Variants in LDB2 observed in about 807,000 individuals in gnomAD.
The protein encoded by LDB2 is LIM domain binding 2.
In LDB2, 12 loss-of-function variants were observed where a neutral mutation model predicts 44.3. The observed-to-expected ratio is 0.27, with a 90% CI of 0.17 to 0.44. The LOEUF (loss-of-function observed/expected upper bound fraction) is 0.44, where lower values mean the gene tolerates loss of function less well. LDB2 is among the 20% of genes least tolerant of loss of function. LDB2 has a pLI of 1.00. For synonymous variants in LDB2, 164 were observed against 174.8 expected (o/e 0.94, Z 0.49); for missense variants, 344 against 473.5 (o/e 0.73, Z 2.54).
chr4:16,822,111 TAA>T (rs34620323), intron 1 of LDB2, among the ~76,000 whole-genome samples: 70 of 147,008 alleles, frequency 4.8e-4, no homozygotes, highest in Middle Eastern at 3.5e-3. Flanking sequence ...CTAGGATTGT[TAA>T]AAAAAAAAAA....
intron 1 of LDB2, among the ~76,000 whole-genome samples, chr4:16,769,083 A>C (rs796598499): frequency 6.6e-6 from 1 of 152,174 alleles, no homozygotes; most frequent in Non-Finnish European, 1.5e-5. Flanking sequence ...GGCCAAGTGC[A>C]CTGAACGTTT....
At chr4:16,601,883 A>T (rs1023270134) in intron 2 of LDB2, among the ~76,000 whole-genome samples, 3 of 152,204 alleles carry the variant, frequency 2.0e-5, no homozygotes, top group African/African-American at 7.2e-5. Flanking sequence ...GATTTTATTT[A>T]TGGTAAATAA....
chr4:16,542,060 A>G (rs1733964738), intron 5 of LDB2, among the ~76,000 whole-genome samples: 1 of 136,720 alleles, frequency 7.3e-6, no homozygotes, highest in African/African-American at 2.7e-5. Context: ...TGCACATAAC[A>G]GCAAATCTAT....
chr4:16,768,390 T>G (rs894300541), intron 1 of LDB2, among the ~76,000 whole-genome samples: 1 of 152,140 alleles, frequency 6.6e-6, no homozygotes, highest in Non-Finnish European at 1.5e-5. Flanking sequence ...TATCTTACTA[T>G]TTTAGTCACT....
intron 2 of LDB2, among the ~76,000 whole-genome samples, chr4:16,674,530 A>T (rs1745742700): frequency 6.6e-6 from 1 of 152,120 alleles, no homozygotes; most frequent in Non-Finnish European, 1.5e-5. Flanking sequence ...CATATTTTTG[A>T]AAGGTGAGGA....
chr4:16,718,875 A>G (rs1453057970), intron 2 of LDB2, among the ~76,000 whole-genome samples: 1 of 152,124 alleles, frequency 6.6e-6, no homozygotes, highest in Non-Finnish European at 1.5e-5. Context: ...ACAGGTATCA[A>G]TTGTTCTTAA....
intron 1 of LDB2, among the ~76,000 whole-genome samples, chr4:16,775,338 C>T (rs1167135107): frequency 6.6e-6 from 1 of 152,160 alleles, no homozygotes; most frequent in Non-Finnish European, 1.5e-5. Flanking sequence ...CTTACAAATA[C>T]AGCCTACACA....
intron 1 of LDB2, among the ~76,000 whole-genome samples, chr4:16,834,775 C>T (rs1397038117): frequency 6.6e-6 from 1 of 150,938 alleles, no homozygotes; most frequent in Non-Finnish European, 1.5e-5. Context: ...TGCAGTAAGC[C>T]GAGATTGTGC....
At chr4:16,860,196 C>T (rs757170671) in intron 1 of LDB2, among the ~76,000 whole-genome samples, 8 of 152,210 alleles carry the variant, frequency 5.3e-5, no homozygotes, top group Non-Finnish European at 1.0e-4. Context: ...ATGTTACCTG[C>T]CAGTCCCACT....
intron 5 of LDB2, among the ~76,000 whole-genome samples, chr4:16,514,566 T>G (rs1722949657): frequency 6.6e-6 from 1 of 152,230 alleles, no homozygotes; most frequent in Non-Finnish European, 1.5e-5. Context: ...CTTCAGTTGT[T>G]TGTACCTATT....
intron 2 of LDB2, among the ~76,000 whole-genome samples, chr4:16,641,758 G>T (rs1008193631): frequency 6.6e-6 from 1 of 152,040 alleles, no homozygotes; most frequent in Non-Finnish European, 1.5e-5. Flanking sequence ...GAGATTTGAG[G>T]GGGACACATA....
At chr4:16,739,330 T>C (rs1762479457) in intron 2 of LDB2, among the ~76,000 whole-genome samples, 1 of 151,388 alleles carries the variant, frequency 6.6e-6, no homozygotes, top group Non-Finnish European at 1.5e-5. Flanking sequence ...CTCATGACTG[T>C]AATCCCACCG....
rs1002820695 is a variant in LDB2, at chr4:16,759,095, C to T, written c.235+63G>A. 1.1e-4 allele frequency: 114 copies of T among 1,028,602 alleles called. No homozygotes were observed. In the Admixed American group the frequency reaches 1.9e-3, roughly 18 times the overall value. The allele number at this position is 1,028,602 out of a possible 1,614,324, so 63.7% of individuals were successfully genotyped here. A position where few individuals can be genotyped will look rare whatever the true frequency, so the allele number is the denominator to read the frequency against. On this transcript the variant is annotated intron_variant, in intron 2 of 7. Coordinates refer to ENST00000304523, the MANE Select transcript of LDB2 (RefSeq NM_001290.5). ...TCAGCTCTGTGCTATTCTCTGAAGA[C>T]CCCTGCGGTTTTCTTACAGGCACAA...
At chr4:16,775,977 T>A (rs747124784) in intron 1 of LDB2, among the ~76,000 whole-genome samples, 2 of 152,318 alleles carry the variant, frequency 1.3e-5, no homozygotes, top group Non-Finnish European at 2.9e-5. Context: ...AGCTATTCAA[T>A]TTGCTTCCTT....
intron 1 of LDB2, among the ~76,000 whole-genome samples, chr4:16,847,594 C>CGTTTGT (rs761983406): frequency 5.1e-5 from 6 of 117,144 alleles, no homozygotes; most frequent in African/African-American, 9.5e-5. Flanking sequence ...TTCTTTAACA[C>CGTTTGT]ATGTTTGTTT....
intron 2 of LDB2, among the ~76,000 whole-genome samples, chr4:16,643,094 T>A (rs987618026): frequency 1.3e-5 from 2 of 149,794 alleles, no homozygotes; most frequent in Non-Finnish European, 2.9e-5. Context: ...AATTTCCCGG[T>A]AGATGGCAGT....
intron 2 of LDB2, among the ~76,000 whole-genome samples, chr4:16,656,780 C>G (rs971481629): frequency 6.6e-6 from 1 of 152,094 alleles, no homozygotes; most frequent in African/African-American, 2.4e-5. Context: ...TACTATATAA[C>G]ATTGTAATGT....
chr4:16,547,018 A>G (rs140091999), intron 5 of LDB2, among the ~76,000 whole-genome samples: 52 of 152,344 alleles, frequency 3.4e-4, no homozygotes, highest in Non-Finnish European at 6.3e-4. Flanking sequence ...AACTCTGGAA[A>G]CTGTGAGTGA....
At chr4:16,745,330 GGGGA>G (rs1219412099) in intron 2 of LDB2, among the ~76,000 whole-genome samples, 1 of 152,184 alleles carries the variant, frequency 6.6e-6, no homozygotes, top group Non-Finnish European at 1.5e-5. Context: ...GAGCCCAGGC[GGGGA>G]GACTGCGGGG....
Sources: allele counts gnomAD v4.1 joint callset (sites outside exome capture counted in the v4.1 genomes callset), GRCh38; gene constraint gnomAD v4.1.1; transcripts MANE v1.5; gene names NCBI Gene and HGNC (gene_info 2026-07-23, HGNC 2026-07-21).